Variants in MIA2 observed in about 807,000 individuals in gnomAD.
MIA2 encodes MIA SH3 domain ER export factor 2.
Under a neutral mutation model 167.8 loss-of-function variants are expected in MIA2, and 127 were observed. That is an observed-to-expected ratio of 0.76 (90% CI 0.66 to 0.88). MIA2 has a LOEUF of 0.88. MIA2 is among the 40% of genes least tolerant of loss of function. The pLI is 0.00. For missense variants in MIA2, 1,690 were observed against 1,624.7 expected, an observed-to-expected ratio of 1.04 and a Z score of -0.69; for synonymous variants, 552 against 541.9, an observed-to-expected ratio of 1.02 and a Z score of -0.26.
In MIA2 at chr14:39,247,083, A is replaced by G. The variant is rs760201892; in HGVS notation, c.509A>G (p.Glu170Gly). 26 of 1,607,650 alleles carry G rather than the reference A, an allele frequency of 1.6e-5. No individual in the cohort carries two copies. Among genetic ancestry groups the G allele is most frequent in the Non-Finnish European group, 2.1e-5 (25 of 1,178,524 alleles). Reference protein sequence around the residue: ...QIEPGFYATYESTLFEDQVPA... With the variant: ...QIEPGFYATYGSTLFEDQVPA... ...GAACCTGGATTTTATGCAACTTATG[A>G]AAGTACTTTGTTTGAAGACCAAGTT... The change falls in exon 4 of 29, where the codon GAA (glutamate) becomes GGA (glycine). Residue 170 changes from glutamate (E) to glycine (G), a missense_variant. By Grantham distance (98) the Glu-to-Gly change is moderately conservative (BLOSUM62 -2). Transcript: ENST00000640607.
At chr14:39,346,094 A>G in intron 26 of MIA2, 68 bp downstream of exon 26, 1 of 1,311,718 alleles carries the variant, frequency 7.6e-7, no homozygotes, top group South Asian at 1.2e-5. Flanking sequence ...GGAAGTTAGA[A>G]TAAAGACCAA....
At chr14:39,291,834 G>A (rs911152288) in intron 10 of MIA2, among the ~76,000 whole-genome samples, 3 of 152,176 alleles carry the variant, frequency 2.0e-5, no homozygotes, top group Admixed American at 2.0e-4. Context: ...GTAAGTGATG[G>A]GAGTGCCTTA....
At chr14:39,259,225 C>G (rs980315751) in intron 6 of MIA2, among the ~76,000 whole-genome samples, 1 of 152,214 alleles carries the variant, frequency 6.6e-6, no homozygotes, top group African/African-American at 2.4e-5. Flanking sequence ...TGCTCTGTCC[C>G]AGGGAAATGG....
chr14:39,265,448 G>A, intron 6 of MIA2: 1 of 1,580,912 alleles, frequency 6.3e-7, no homozygotes, highest in Non-Finnish European at 8.6e-7. Context: ...TAAGCATACT[G>A]AAACAAATGA....
intron 13 of MIA2, among the ~76,000 whole-genome samples, chr14:39,298,537 T>TGTTTTTTTTTTTTTG (rs148951664): frequency 1.0e-5 from 1 of 99,522 alleles, no homozygotes; most frequent in African/African-American, 3.7e-5. Context: ...AGAGTTTTTT[T>TGTTTTTTTTTTTTTG]TTTTTTTTTT....
At chr14:39,282,765 G>A (rs980005443) in intron 9 of MIA2, among the ~76,000 whole-genome samples, 2 of 152,062 alleles carry the variant, frequency 1.3e-5, no homozygotes, top group African/African-American at 4.8e-5. Context: ...TAGAGATGGG[G>A]TCTCCCTATG....
chr14:39,265,761 G>A (rs762508696), intron 6 of MIA2: 22 of 224,776 alleles, frequency 9.8e-5, no homozygotes, highest in African/African-American at 3.7e-4. Context: ...AGGCATACAC[G>A]TTGTTCTAGG....
At chr14:39,386,845 CTT>C in intron 23 of MIA2, 1 of 873,150 alleles carries the variant, frequency 1.1e-6, no homozygotes, top group Non-Finnish European at 2.0e-6. Context: ...ACTCGTCTCT[CTT>C]CTACTTTAAC....
chr14:39,355,350 G>T (rs934234248), downstream of MIA2, among the ~76,000 whole-genome samples: 1 of 152,152 alleles, frequency 6.6e-6, no homozygotes, highest in Non-Finnish European at 1.5e-5. Context: ...TTGGCTTTCT[G>T]TTTGTCTATT....
chr14:39,335,971 G>A (rs2070306039), intron 25 of MIA2, among the ~76,000 whole-genome samples: 1 of 152,222 alleles, frequency 6.6e-6, no homozygotes, highest in African/African-American at 2.4e-5. Context: ...ATTCTATGGT[G>A]TATATGTACT....
intron 18 of MIA2, among the ~76,000 whole-genome samples, chr14:39,309,242 A>G (rs191849308): frequency 5.9e-4 from 90 of 152,314 alleles, no homozygotes; most frequent in East Asian, 2.3e-3. Flanking sequence ...TCTCTGCAAC[A>G]TGCAGGATGA....
chr14:39,387,207 G>A (rs989692866), exon 24 of MIA2: 2 of 411,442 alleles, frequency 4.9e-6, no homozygotes, highest in African/African-American at 4.2e-5. Flanking sequence ...GATGGATTTG[G>A]GAAAAGTAAA....
chr14:39,357,407 A>G (rs1471371949), intron 23 of MIA2, among the ~76,000 whole-genome samples: 2 of 151,988 alleles, frequency 1.3e-5, no homozygotes, highest in Non-Finnish European at 2.9e-5. Flanking sequence ...TTTGCTTGGT[A>G]TATCTTCCTC....
chr14:39,269,517 T>G (rs960821833), intron 6 of MIA2, among the ~76,000 whole-genome samples: 2 of 151,368 alleles, frequency 1.3e-5, no homozygotes, highest in Non-Finnish European at 3.0e-5. Flanking sequence ...CATTTCTTTT[T>G]TCTTTCTTTT....
chr14:39,386,263 C>G lies in MIA2; in HGVS notation c.2249-622C>G, dbSNP rs568840956. 2.0e-4 allele frequency: 286 copies of G among 1,438,284 alleles called. 4 individuals carry two copies. The South Asian group carries it at 3.1e-3, about 15-fold the overall frequency. The allele number at this position is 1,438,284 out of a possible 1,614,324, so 89.1% of individuals were successfully genotyped here. On this transcript the variant is annotated intron_variant, in intron 23 of 23. Transcript: ENST00000341502. Reference sequence around the variant, plus strand: ...TGGTAGAGGGTCCTTCCTTTGATAACTCAGTCGGTAATTTCTCTGAGGAAT... The same window carrying G: ...TGGTAGAGGGTCCTTCCTTTGATAAGTCAGTCGGTAATTTCTCTGAGGAAT...
rs769534317 is a variant in MIA2 at position 39,238,793 on chromosome 14, C to CAA, written c.250-1751_250-1750dup. ...TGGGTTACAAAGTGAGACCCTGTCT[C>CAA]AAAAAAAAAAAAAAAAAACCCAAAA... On this transcript the variant is annotated intron_variant, in intron 2 of 28. Transcript: ENST00000640607. Among the ~76,000 whole-genome samples the CAA allele has an allele frequency of 1.2e-3, 38 of 30,820 alleles. 1 individual carries two copies. The highest frequency in any genetic ancestry group is 4.9e-3 in the African/African-American group (27 of 5,534). 20.2% of individuals were successfully genotyped at this position (30,820 alleles called of 152,430 possible). A position where few individuals can be genotyped will look rare whatever the true frequency, so the allele number is the denominator to read the frequency against.
intron 9 of MIA2, among the ~76,000 whole-genome samples, chr14:39,284,655 T>C (rs1185887516): frequency 1.3e-5 from 2 of 152,220 alleles, no homozygotes; most frequent in African/African-American, 4.8e-5. Flanking sequence ...TTTATACTTT[T>C]CAGTGTGCAG....
chr14:39,318,272 T>C (rs1162296091), intron 22 of MIA2, among the ~76,000 whole-genome samples: 1 of 151,814 alleles, frequency 6.6e-6, no homozygotes, highest in Non-Finnish European at 1.5e-5. Context: ...CCAGTGTAGA[T>C]GGATGGAGGT....
chr14:39,282,390 G>A (rs999919726), intron 9 of MIA2, among the ~76,000 whole-genome samples: 3 of 152,042 alleles, frequency 2.0e-5, no homozygotes, highest in African/African-American at 7.2e-5. Context: ...TACGTGTATA[G>A]TAAATGGTTA....
Sources: allele counts gnomAD v4.1 joint callset (sites outside exome capture counted in the v4.1 genomes callset), GRCh38; gene constraint gnomAD v4.1.1; transcripts MANE v1.5; gene names NCBI Gene and HGNC (gene_info 2026-07-23, HGNC 2026-07-21).